Variants in PRUNE1 observed in about 807,000 individuals in gnomAD.
PRUNE1 encodes exopolyphosphatase PRUNE1.
A neutral mutation model predicts 42.5 loss-of-function variants in PRUNE1; 25 were observed. That is an observed-to-expected ratio of 0.59 (90% CI 0.43 to 0.82). The LOEUF (loss-of-function observed/expected upper bound fraction) is 0.82. PRUNE1 is among the 40% of genes least tolerant of loss of function. The pLI is 0.00. For synonymous variants in PRUNE1, 203 were observed against 217.1 expected, an observed-to-expected ratio of 0.93 and a Z score of 0.57; for missense variants, 443 against 539.3, an observed-to-expected ratio of 0.82 and a Z score of 1.77.
chr1:151,008,758 T>G, intron 1 of PRUNE1, 87 bp downstream of exon 1: 230 of 1,501,898 alleles, frequency 1.5e-4, no homozygotes, highest in Non-Finnish European at 1.9e-4. Context: ...GCCTCGACGG[T>G]CCGTGTGGAG....
chr1:151,017,797 T>C lies in PRUNE1; in HGVS notation c.40-15T>C. ...GAGATACTTTTGTTAGTTTCCCATT[T>C]TCCTTTCTCTCCAGGAGTCCCGACC... On this transcript the variant is annotated splice_polypyrimidine_tract_variant and intron_variant, in intron 1 of 7. Coordinates refer to ENST00000271620, the MANE Select transcript of PRUNE1 (RefSeq NM_021222.3). The C allele has an allele frequency of 6.6e-7, 1 of 1,510,676 alleles. No individual in the cohort carries two copies. The highest frequency in any genetic ancestry group is 9.1e-7 in the Non-Finnish European group (1 of 1,098,010). The allele number at this position is 1,510,676 out of a possible 1,614,324, so 93.6% of individuals were successfully genotyped here.
At chr1:151,032,743 G>C (rs1675312522) in intron 7 of PRUNE1, among the ~76,000 whole-genome samples, 1 of 151,062 alleles carries the variant, frequency 6.6e-6, no homozygotes, top group Non-Finnish European at 1.5e-5. Flanking sequence ...GTGTATATTA[G>C]TGTTCCTTCT....
At position 151,018,604 on chromosome 1, in the gene PRUNE1, C is replaced by A; in HGVS notation, c.270C>A (p.Asp90Glu). 1 of 1,614,164 alleles carries A rather than the reference C, an allele frequency of 6.2e-7. No homozygotes were observed. The highest frequency in any genetic ancestry group is 8.5e-7 in the Non-Finnish European group (1 of 1,180,016). Residue 90 changes from aspartate (D) to glutamate (E), a missense_variant, in exon 3 of 8, where the codon GAC becomes GAA. Physicochemically the swap from Asp to Glu is conservative, Grantham distance 45. Coordinates refer to ENST00000271620, the MANE Select transcript of PRUNE1 (RefSeq NM_021222.3). The stretch of plus-strand genomic sequence containing the variant: ...TCTTGATTTTTCGGGATGAGATTGA[C>A]CTCCATGCATTATACCAGGCTGGCC... ...ESILIFRDEI[D>E]LHALYQAGQL...
At chr1:151,030,122 C>T (rs759556466) in intron 7 of PRUNE1, among the ~76,000 whole-genome samples, 6 of 151,932 alleles carry the variant, frequency 3.9e-5, no homozygotes, top group South Asian at 2.1e-4. Context: ...ATTAGCTGGG[C>T]GTGGTGGTGC....
chr1:151,024,860 A>G lies in PRUNE1; in HGVS notation c.520+65A>G, dbSNP rs1674726838. On this transcript the variant is annotated intron_variant, in intron 4 of 7. Coordinates refer to ENST00000271620, the MANE Select transcript of PRUNE1 (RefSeq NM_021222.3). ...TCCTGTCCCTGAGAAGGGAGGGTGG[A>G]AAAGTCTAGACGCTTCCAGCCTAAC... is the stretch of plus-strand genomic sequence containing the variant. 4.7e-6 allele frequency: 7 copies of G among 1,497,814 alleles called. No homozygotes were observed. The East Asian group carries it at 1.7e-4, about 37-fold the overall frequency. The allele number at this position is 1,497,814 out of a possible 1,614,324, so 92.8% of individuals were successfully genotyped here.
intron 1 of PRUNE1, among the ~76,000 whole-genome samples, chr1:151,013,870 A>T (rs1673932298): frequency 6.6e-6 from 1 of 152,258 alleles, no homozygotes; most frequent in African/African-American, 2.4e-5. Flanking sequence ...ATTACAAGTC[A>T]GAGGAGTTAC....
Position 151,034,468 on chromosome 1 carries a change from CCT to C in PRUNE1, c.*241_*242del, listed in dbSNP as rs1360552881. 1 of 507,022 alleles carries C rather than the reference CCT, an allele frequency of 2.0e-6. No individual in the cohort carries two copies. The allele number at this position is 507,022 out of a possible 1,614,324, so 31.4% of individuals were successfully genotyped here. A position where few individuals can be genotyped will look rare whatever the true frequency, so the allele number is the denominator to read the frequency against. On this transcript the variant is annotated 3_prime_UTR_variant, in exon 8 of 8. Transcript: ENST00000271620. ...ACACATTTTATTATTTAAATCTGCA[CCT>C]CTCTCTATTTTATTTGCCAGGGGCA...
Position 151,008,521 on chromosome 1 carries a change from C to A in PRUNE1, c.-112C>A. The A allele has an allele frequency of 7.1e-7, 1 of 1,403,272 alleles. No homozygotes were observed. The highest frequency in any genetic ancestry group is 1.0e-6 in the Non-Finnish European group (1 of 990,532). The allele number at this position is 1,403,272 out of a possible 1,614,324, so 86.9% of individuals were successfully genotyped here. On this transcript the variant is annotated 5_prime_UTR_variant, in exon 1 of 8. Coordinates refer to ENST00000271620, the MANE Select transcript of PRUNE1 (RefSeq NM_021222.3). ...GGCGGGTTCGAGTCCCGCCTCCTGA[C>A]TCTGGCCTCTAGTCCCTGAGTCCCG...
rs138364833 is a variant in PRUNE1, at chr1:151,016,573, C to T, written c.40-1239C>T. On this transcript the variant is annotated intron_variant, in intron 1 of 7. Transcript: ENST00000271620. ...CTGGAGTGCAAAGGCGCAATCTCGG[C>T]TCACTGCAACCTCCGTCTGCCGGGT... Among the ~76,000 whole-genome samples the T allele has an allele frequency of 4.4e-3, 666 of 152,164 alleles. 2 individuals are homozygous for T. The highest frequency in any genetic ancestry group is 0.015 in the African/African-American group (643 of 41,542).
intron 3 of PRUNE1, among the ~76,000 whole-genome samples, chr1:151,023,076 G>T (rs1674577196): frequency 6.6e-6 from 1 of 152,066 alleles, no homozygotes; most frequent in South Asian, 2.1e-4. Context: ...AGACAGAGGG[G>T]GCAGGCAGGA....
In PRUNE1 at chr1:151,033,691, G is replaced by A. The variant is rs587669184; in HGVS notation, c.934-115G>A. On this transcript the variant is annotated intron_variant, in intron 7 of 7. Coordinates refer to ENST00000271620, the MANE Select transcript of PRUNE1 (RefSeq NM_021222.3). ...AAGCGTGAGCCACCGCACCCCGCCCGGCCGACTTACTTTTTAAAAGCTTCC... is the reference window on the plus strand; with the variant it reads ...AAGCGTGAGCCACCGCACCCCGCCCAGCCGACTTACTTTTTAAAAGCTTCC... The A allele has an allele frequency of 1.5e-4, 165 of 1,076,710 alleles. 1 individual carries two copies. The highest frequency in any genetic ancestry group is 1.9e-4 in the Non-Finnish European group (141 of 746,948). The allele number at this position is 1,076,710 out of a possible 1,614,324, so 66.7% of individuals were successfully genotyped here. A position where few individuals can be genotyped will look rare whatever the true frequency, so the allele number is the denominator to read the frequency against.
chr1:151,012,364 G>A (rs1673822617), intron 1 of PRUNE1, among the ~76,000 whole-genome samples: 1 of 152,166 alleles, frequency 6.6e-6, no homozygotes. Context: ...GGTTTGCCCA[G>A]GGCAGTCTTG....
intron 6 of PRUNE1, among the ~76,000 whole-genome samples, chr1:151,027,584 A>AT (rs34162206): frequency 0.48 from 65,287 of 135,030 alleles, 17,510 homozygotes; most frequent in Middle Eastern, 0.61. Context: ...GTCTTTTTTA[A>AT]TTTTTTTTTT....
chr1:151,019,581 G>C (rs12145224), intron 3 of PRUNE1, among the ~76,000 whole-genome samples: 59,392 of 145,052 alleles, frequency 0.41, 14,081 homozygotes, highest in Middle Eastern at 0.62. Context: ...AAAAGATTCT[G>C]AGACAGATTT....
intron 1 of PRUNE1, among the ~76,000 whole-genome samples, chr1:151,010,077 G>GT (rs971606774): frequency 3.3e-5 from 5 of 152,126 alleles, no homozygotes; most frequent in Non-Finnish European, 5.9e-5. Flanking sequence ...CCCCAGGTTA[G>GT]TAGTATATTC....
rs1191556554 is a variant in PRUNE1 at position 151,031,578 on chromosome 1, G to A, written c.934-2228G>A. Among the ~76,000 whole-genome samples, 7 of 152,256 alleles carry A rather than the reference G, an allele frequency of 4.6e-5. No individual in the cohort carries two copies. The East Asian group carries it at 1.4e-3, about 29-fold the overall frequency. On this transcript the variant is annotated intron_variant, in intron 7 of 7. Coordinates refer to ENST00000271620, the MANE Select transcript of PRUNE1 (RefSeq NM_021222.3). ...TATATTGATTTAGAACACTGGCTTT[G>A]GTGACAGCTCTGGGCTCAGTGTCAG... is the stretch of plus-strand genomic sequence containing the variant.
Position 151,029,070 on chromosome 1 carries a change from C to CA in PRUNE1, c.933+126_933+127insA. Reference sequence around the variant, plus strand: ...TATATTAATGTACTTACATGAGGTCCCTTGACCTGTTTCTGGACCTGTTTC... The same window carrying CA: ...TATATTAATGTACTTACATGAGGTCCACTTGACCTGTTTCTGGACCTGTTTC... On this transcript the variant is annotated intron_variant, in intron 7 of 7. Transcript: ENST00000271620. 5 of 958,372 alleles carry CA rather than the reference C, an allele frequency of 5.2e-6. No individual in the cohort carries two copies. The South Asian group carries it at 1.0e-4, about 19-fold the overall frequency. The allele number at this position is 958,372 out of a possible 1,614,324, so 59.4% of individuals were successfully genotyped here.
chr1:151,016,571 G>A (rs1197804534), intron 1 of PRUNE1, among the ~76,000 whole-genome samples: 6 of 151,880 alleles, frequency 4.0e-5, no homozygotes, highest in Non-Finnish European at 1.5e-5. Flanking sequence ...GCGCAATCTC[G>A]GCTCACTGCA....
chr1:151,031,286 G>C (rs1675234741), intron 7 of PRUNE1, among the ~76,000 whole-genome samples: 1 of 151,372 alleles, frequency 6.6e-6, no homozygotes, highest in Non-Finnish European at 1.5e-5. Context: ...TGCCTCCCGG[G>C]TTCAAGCAAT....
Sources: gnomAD v4.1 joint callset for allele counts (sites outside exome capture counted in the v4.1 genomes callset) on GRCh38, gnomAD v4.1.1 for gene constraint, MANE v1.5 for transcripts, NCBI Gene and HGNC (gene_info 2026-07-23, HGNC 2026-07-21) for gene names.